SLC6A11: variants seen among roughly 807,000 people sequenced by gnomAD.
The protein encoded by SLC6A11 is solute carrier family 6 member 11, also known as sodium- and chloride-dependent GABA transporter 3.
In SLC6A11, 25 loss-of-function variants were observed where a neutral mutation model predicts 74.8. The ratio of observed to expected loss-of-function variants is 0.33; its 90% CI spans 0.24 to 0.47. The LOEUF (loss-of-function observed/expected upper bound fraction) is 0.47. SLC6A11 is among the 20% of genes least tolerant of loss of function. The pLI is 1.00. For missense variants in SLC6A11, 574 were observed against 837.0 expected (o/e 0.69, Z 3.88); for synonymous variants, 330 against 330.2 (o/e 1.00, Z 0.01).
chr3:10,912,679 G>A (rs1158634275), intron 7 of SLC6A11, among the ~76,000 whole-genome samples: 2 of 152,248 alleles, frequency 1.3e-5, no homozygotes, highest in East Asian at 3.8e-4. Context: ...CTGCACCAGG[G>A]CTGGGAGGGG....
intron 10 of SLC6A11, among the ~76,000 whole-genome samples, chr3:10,932,732 G>A (rs929922444): frequency 2.0e-4 from 31 of 152,198 alleles, no homozygotes; most frequent in African/African-American, 7.2e-4. Flanking sequence ...CACGTGTTTG[G>A]TTGGATTTGC....
intron 4 of SLC6A11, among the ~76,000 whole-genome samples, chr3:10,836,076 T>A (rs1220719826): frequency 6.6e-6 from 1 of 152,232 alleles, no homozygotes; most frequent in Non-Finnish European, 1.5e-5. Context: ...CTCTGTGAAT[T>A]TGCCTTGTTT....
intron 4 of SLC6A11, 83 bp from the exon 5 acceptor site, chr3:10,844,131 C>G: frequency 6.5e-7 from 1 of 1,538,806 alleles, no homozygotes; most frequent in Non-Finnish European, 8.9e-7. Context: ...GCACATGGGC[C>G]CATCCCTGCT....
rs562690500 is a variant in SLC6A11, at chr3:10,940,185, T to A, written c.*1783T>A. On this transcript the variant is annotated 3_prime_UTR_variant, in exon 14 of 14. Coordinates refer to ENST00000254488, the MANE Select transcript of SLC6A11 (RefSeq NM_014229.3). ...ACACAGTTCAGGCCTGCCCAGCTTCTTATGGGCAAGCCACCATCCCACTCT... is the reference window on the plus strand; with the variant it reads ...ACACAGTTCAGGCCTGCCCAGCTTCATATGGGCAAGCCACCATCCCACTCT... The A allele has an allele frequency of 2.6e-5, 4 of 152,354 alleles. No homozygotes were observed. The highest frequency in any genetic ancestry group is 9.6e-5 in the African/African-American group (4 of 41,582). The allele number at this position is 152,354 out of a possible 1,614,324, so 9.4% of individuals were successfully genotyped here. A position where few individuals can be genotyped will look rare whatever the true frequency, so the allele number is the denominator to read the frequency against.
At chr3:10,884,013 C>A (rs1464931288) in intron 6 of SLC6A11, among the ~76,000 whole-genome samples, 1 of 152,188 alleles carries the variant, frequency 6.6e-6, no homozygotes, top group African/African-American at 2.4e-5. Context: ...TCTCTTGACA[C>A]AGACACATGA....
chr3:10,899,347 G>T (rs1320993107), intron 6 of SLC6A11, among the ~76,000 whole-genome samples: 2 of 152,162 alleles, frequency 1.3e-5, no homozygotes, highest in African/African-American at 4.8e-5. Context: ...CCCCTGGGAG[G>T]CTCCTTGGGG....
intron 6 of SLC6A11, among the ~76,000 whole-genome samples, chr3:10,888,720 T>C (rs1378896278): frequency 6.6e-6 from 1 of 152,188 alleles, no homozygotes; most frequent in Non-Finnish European, 1.5e-5. Flanking sequence ...GGTGAGAACC[T>C]TGGAGAGTCA....
At chr3:10,929,729 C>T (rs909282998) in intron 10 of SLC6A11, among the ~76,000 whole-genome samples, 2 of 152,152 alleles carry the variant, frequency 1.3e-5, no homozygotes, top group African/African-American at 4.8e-5. Flanking sequence ...TCAAAGCAGG[C>T]TTTTCTGGGC....
intron 6 of SLC6A11, among the ~76,000 whole-genome samples, chr3:10,900,837 C>T (rs1695231335): frequency 6.6e-6 from 1 of 152,176 alleles, no homozygotes; most frequent in African/African-American, 2.4e-5. Context: ...GATGTGGGTT[C>T]TGCAGCCCCA....
At chr3:10,874,020 A>G (rs1253604910) in intron 5 of SLC6A11, among the ~76,000 whole-genome samples, 2 of 152,066 alleles carry the variant, frequency 1.3e-5, no homozygotes, top group Non-Finnish European at 2.9e-5. Flanking sequence ...ATGCTATACC[A>G]TCCTATCCTA....
intron 6 of SLC6A11, among the ~76,000 whole-genome samples, chr3:10,909,386 C>T (rs1033554358): frequency 6.6e-6 from 1 of 152,154 alleles, no homozygotes; most frequent in African/African-American, 2.4e-5. Flanking sequence ...AAAAAAATAC[C>T]TGCAAGTGAA....
intron 6 of SLC6A11, among the ~76,000 whole-genome samples, chr3:10,884,872 A>G (rs1172334329): frequency 6.6e-6 from 1 of 152,164 alleles, no homozygotes. Flanking sequence ...TGAGACATTC[A>G]TTCATTCTAT....
At chr3:10,850,604 G>T (rs966606718) in intron 5 of SLC6A11, among the ~76,000 whole-genome samples, 1 of 152,164 alleles carries the variant, frequency 6.6e-6, no homozygotes, top group Admixed American at 6.5e-5. Flanking sequence ...TGGGGCCAGC[G>T]AGTGGCACAT....
chr3:10,835,126 C>A (rs1421862766), intron 4 of SLC6A11, among the ~76,000 whole-genome samples: 2 of 152,200 alleles, frequency 1.3e-5, no homozygotes, highest in Non-Finnish European at 2.9e-5. Flanking sequence ...TTAATGCAGA[C>A]CACCTCGGAG....
At chr3:10,884,215 A>G (rs1695015569) in intron 6 of SLC6A11, among the ~76,000 whole-genome samples, 1 of 152,164 alleles carries the variant, frequency 6.6e-6, no homozygotes, top group Non-Finnish European at 1.5e-5. Context: ...GCAGTGTCTT[A>G]TGATCCACAG....
chr3:10,911,355 C>G (rs953567790), intron 6 of SLC6A11, among the ~76,000 whole-genome samples: 2 of 152,182 alleles, frequency 1.3e-5, no homozygotes, highest in Non-Finnish European at 2.9e-5. Context: ...GGAAAGTGTT[C>G]GAGAAGCCAC....
At chr3:10,895,458 T>C (rs984707317) in intron 6 of SLC6A11, among the ~76,000 whole-genome samples, 6 of 152,120 alleles carry the variant, frequency 3.9e-5, no homozygotes. Context: ...GGGACATGGA[T>C]GGAGCTGGAA....
chr3:10,884,895 C>A (rs966701057), intron 6 of SLC6A11, among the ~76,000 whole-genome samples: 7 of 152,194 alleles, frequency 4.6e-5, no homozygotes, highest in Admixed American at 1.3e-4. Flanking sequence ...TTTGATTATT[C>A]TTTCTTCACT....
At position 10,939,299 on chromosome 3, in the gene SLC6A11, C is replaced by T. The variant is rs3732370; in HGVS notation, c.*897C>T. 2,675 of 152,340 alleles carry T rather than the reference C, an allele frequency of 0.018. 86 individuals carry two copies. The highest frequency in any genetic ancestry group is 0.17 in the East Asian group (857 of 5,158). 9.4% of individuals were successfully genotyped at this position (152,340 alleles called of 1,614,324 possible). ...CTCTGGACACCAGTGGGTCCTCAGCCCCCATGGCAGGGGCTCCTCTGTCTG... is the reference window on the plus strand; with the variant it reads ...CTCTGGACACCAGTGGGTCCTCAGCTCCCATGGCAGGGGCTCCTCTGTCTG... On this transcript the variant is annotated 3_prime_UTR_variant, in exon 14 of 14. Coordinates refer to ENST00000254488, the MANE Select transcript of SLC6A11 (RefSeq NM_014229.3).
Sources: allele counts gnomAD v4.1 joint callset (sites outside exome capture counted in the v4.1 genomes callset), GRCh38; gene constraint gnomAD v4.1.1; transcripts MANE v1.5; gene names NCBI Gene and HGNC (gene_info 2026-07-23, HGNC 2026-07-21).